Variants in SAFB2 observed in about 807,000 individuals in gnomAD.
SAFB2 encodes scaffold attachment factor B2.
In SAFB2, 32 loss-of-function variants were observed where a neutral mutation model predicts 100.6. The observed-to-expected ratio is 0.32, with a 90% CI of 0.24 to 0.43. The LOEUF (loss-of-function observed/expected upper bound fraction) is 0.43, where lower values mean the gene tolerates loss of function less well. Among genes scored for constraint, SAFB2 ranks in the 20% least tolerant of loss-of-function variants. SAFB2 has a pLI of 1.00. For missense variants in SAFB2, 1,185 were observed against 1,163.4 expected (o/e 1.02, Z -0.27); for synonymous variants, 500 against 439.4 (o/e 1.14, Z -1.72).
At chr19:5,612,754 T>C (rs909568278) in intron 5 of SAFB2, among the ~76,000 whole-genome samples, 187 bp from the exon 6 acceptor site, 1 of 152,204 alleles carries the variant, frequency 6.6e-6, no homozygotes, top group Non-Finnish European at 1.5e-5. Context: ...ACAGTTTCCC[T>C]GGTAACAGCA....
In SAFB2 at chr19:5,600,154, T is replaced by C. The variant is rs1026746981; in HGVS notation, c.1666A>G (p.Asn556Asp). The change falls in exon 12 of 21, where the codon AAT (asparagine) becomes GAT (aspartate). Residue 556 changes from asparagine to aspartate, a missense_variant. Around this residue, in one of 3 missense-constraint regions of SAFB2, gnomAD observed 740 missense variants for 687.1 expected, o/e 1.08. Transcript: ENST00000252542. ...DQDELKPGPT[N>D]RSRVTKSGSR... ...CCTGATTTGGTGACTCTAGACCGAT[T>C]TGTAGGTCCGGGTTTCAGCTCATCC... 6.2e-7 allele frequency: 1 copy of C among 1,614,088 alleles called. No homozygotes were observed. The highest frequency in any genetic ancestry group is 8.5e-7 in the Non-Finnish European group (1 of 1,180,006).
At chr19:5,605,369 T>C (rs1490484340) in intron 9 of SAFB2, among the ~76,000 whole-genome samples, 1 of 152,166 alleles carries the variant, frequency 6.6e-6, no homozygotes, top group Non-Finnish European at 1.5e-5. Context: ...CCTCCCAAAG[T>C]GCTGGGATTA....
At chr19:5,588,652 G>A (rs1047142293) in intron 18 of SAFB2, among the ~76,000 whole-genome samples, 2 of 152,100 alleles carry the variant, frequency 1.3e-5, no homozygotes, top group African/African-American at 4.8e-5. Flanking sequence ...CACCGCGCAG[G>A]CCAAGAAATG....
In SAFB2 at chr19:5,616,195, A is replaced by G; in HGVS notation, c.480T>C (p.Cys160=). 6.2e-7 allele frequency: 1 copy of G among 1,614,220 alleles called. No homozygotes were observed. The highest frequency in any genetic ancestry group is 8.5e-7 in the Non-Finnish European group (1 of 1,180,050). The part of the protein sequence containing the change: ...DGTDGLLDSF[C]DSKEYVAAQL... ...GTGCAGCCACGTATTCTTTACTATC[A>G]CAAAAGGAATCGAGAAGGCCGTCCG... Residue 160 remains cysteine (C), a synonymous_variant, in exon 4 of 21, where the codon TGT becomes TGC. Coordinates refer to ENST00000252542, the MANE Select transcript of SAFB2 (RefSeq NM_014649.3).
At chr19:5,593,656 T>C (rs921427689) in intron 15 of SAFB2, 6 of 446,522 alleles carry the variant, frequency 1.3e-5, no homozygotes, top group Admixed American at 8.4e-5. Context: ...AGCCATCAAG[T>C]TTCCCAGAAT....
At chr19:5,615,699 C>T (rs1185984641) in intron 4 of SAFB2, among the ~76,000 whole-genome samples, 1 of 152,176 alleles carries the variant, frequency 6.6e-6, no homozygotes, top group African/African-American at 2.4e-5. Flanking sequence ...AAGACCCTGT[C>T]TCTAAATAAA....
intron 7 of SAFB2, 200 bp downstream of exon 7, chr19:5,610,920 A>C (rs2052895849): frequency 8.3e-6 from 6 of 720,242 alleles, no homozygotes; most frequent in Non-Finnish European, 1.4e-5. Context: ...TTAAGAACAC[A>C]ACCATGGTAG....
intron 4 of SAFB2, among the ~76,000 whole-genome samples, chr19:5,615,665 G>A (rs1057235652): frequency 6.6e-6 from 1 of 152,178 alleles, no homozygotes; most frequent in African/African-American, 2.4e-5. Flanking sequence ...TGACCCCACT[G>A]CACTCCAGCC....
intron 11 of SAFB2, among the ~76,000 whole-genome samples, chr19:5,603,256 C>T (rs959126622): frequency 6.6e-6 from 1 of 152,052 alleles, no homozygotes; most frequent in Non-Finnish European, 1.5e-5. Flanking sequence ...TGACCCGTCT[C>T]AAAAAGTAAA....
intron 9 of SAFB2, among the ~76,000 whole-genome samples, chr19:5,607,680 G>C (rs2052806255): frequency 6.6e-6 from 1 of 152,234 alleles, no homozygotes; most frequent in South Asian, 2.1e-4. Flanking sequence ...ACCACCACTG[G>C]CGCGCAGAGT....
intron 1 of SAFB2, among the ~76,000 whole-genome samples, 158 bp from the exon 2 acceptor site, chr19:5,621,554 G>A (rs183823057): frequency 2.6e-5 from 4 of 152,370 alleles, no homozygotes; most frequent in African/African-American, 9.6e-5. Context: ...AGGCGGAGGA[G>A]GAACCCCGCA....
chr19:5,622,655 C>A lies in SAFB2; in HGVS notation c.61G>T (p.Gly21Cys). 1 of 1,609,648 alleles carries A rather than the reference C, an allele frequency of 6.2e-7. No individual in the cohort carries two copies. Among genetic ancestry groups the A allele is most frequent in the Non-Finnish European group, 8.5e-7 (1 of 1,179,090 alleles). Reference sequence around the variant, plus strand: ...CGCCTCGTCCCAGTCTCCGCAACGCCCGGGCCGAGAGAAGCCGTGCCAGGG... The same window carrying A: ...CGCCTCGTCCCAGTCTCCGCAACGCACGGGCCGAGAGAAGCCGTGCCAGGG... ...SGPGTASLGP[G>C]VAETGTRRLS... is the part of the protein sequence containing the mutation. Residue 21 changes from glycine (G) to cysteine (C), a missense_variant, in exon 1 of 21, where the codon GGC (glycine) becomes TGC (cysteine). Coordinates refer to ENST00000252542, the MANE Select transcript of SAFB2 (RefSeq NM_014649.3).
At chr19:5,592,909 G>T (rs1463610500) in intron 15 of SAFB2, 22 bp from the exon 16 acceptor site, 1 of 1,611,832 alleles carries the variant, frequency 6.2e-7, no homozygotes, top group Non-Finnish European at 8.5e-7. Flanking sequence ...TATTTTAAAA[G>T]AATACAAATT....
At position 5,599,980 on chromosome 19, in the gene SAFB2, A is replaced by G. The variant is rs189631532; in HGVS notation, c.1690+150T>C. The G allele has an allele frequency of 2.1e-5, 17 of 801,240 alleles. No individual in the cohort carries two copies. The East Asian group carries it at 3.8e-4, about 18-fold the overall frequency. The allele number at this position is 801,240 out of a possible 1,614,324, so 49.6% of individuals were successfully genotyped here. A position where few individuals can be genotyped will look rare whatever the true frequency, so the allele number is the denominator to read the frequency against. On this transcript the variant is annotated intron_variant, in intron 12 of 20. Transcript: ENST00000252542. ...TATGGACACTCCTTTAAGCCATTTC[A>G]TCAACAGACTCTTGTTTCTTTAACA...
chr19:5,607,216 G>A (rs955229014), intron 9 of SAFB2, among the ~76,000 whole-genome samples: 2 of 152,136 alleles, frequency 1.3e-5, no homozygotes, highest in Middle Eastern at 3.2e-3. Flanking sequence ...AGCCGAGATC[G>A]CGCCACTGCA....
chr19:5,587,289 G>A lies in SAFB2; in HGVS notation c.2816C>T (p.Pro939Leu). 6.2e-7 allele frequency: 1 copy of A among 1,612,966 alleles called. No individual in the cohort carries two copies. The highest frequency in any genetic ancestry group is 8.5e-7 in the Non-Finnish European group (1 of 1,179,620). ...SQDRGSRVPH[P>L]HPHPPPYPHF... ...GGGGTACGGGGGGGGATGAGGGTGT[G>A]GGTGAGGGACTCTGCTGCCCCGGTC... Residue 939 changes from proline to leucine, a missense_variant, in exon 21 of 21, where the codon CCA becomes CTA. Pro to Leu is a moderately conservative substitution (Grantham distance 98, BLOSUM62 -3). This residue lies in a region of SAFB2 where 740 missense variants were observed against 687.1 expected (regional missense o/e 1.08). Transcript: ENST00000252542. This position sits in a 1 kb window ranked among gnomAD's most constrained non-coding sequence, Gnocchi z 4.9.
chr19:5,593,401 G>A (rs921458956), intron 15 of SAFB2, among the ~76,000 whole-genome samples: 2 of 152,124 alleles, frequency 1.3e-5, no homozygotes, highest in Non-Finnish European at 2.9e-5. Flanking sequence ...CGGGGTGAAG[G>A]GTGACTGTCA....
chr19:5,616,233 C>T lies in SAFB2; in HGVS notation c.442G>A (p.Gly148Arg), dbSNP rs1291883333. The T allele has an allele frequency of 6.2e-7, 1 of 1,614,216 alleles. No homozygotes were observed. Among genetic ancestry groups the T allele is most frequent in the East Asian group, 2.2e-5 (1 of 44,888 alleles). The change falls in exon 4 of 21, where the codon GGG becomes AGG. Residue 148 changes from glycine to arginine, a missense_variant. Around this residue, in one of 3 missense-constraint regions of SAFB2, gnomAD observed 351 missense variants for 341.2 expected, o/e 1.03. Coordinates refer to ENST00000252542, the MANE Select transcript of SAFB2 (RefSeq NM_014649.3). Reference sequence around the variant, plus strand: ...AGAAGGCCGTCCGTGCCATCCTCCCCAAAATCTGGAGCACTGCTATTCGCC... The same window carrying T: ...AGAAGGCCGTCCGTGCCATCCTCCCTAAAATCTGGAGCACTGCTATTCGCC... ...EVANSSAPDF[G>R]EDGTDGLLDS...
At chr19:5,590,956 A>G (rs2052385050) in intron 17 of SAFB2, among the ~76,000 whole-genome samples, 1 of 152,068 alleles carries the variant, frequency 6.6e-6, no homozygotes, top group South Asian at 2.1e-4. Context: ...GCCACCACGC[A>G]CGGGGCACCC....
Sources: allele counts gnomAD v4.1 joint callset (sites outside exome capture counted in the v4.1 genomes callset), GRCh38; gene constraint gnomAD v4.1.1; regional missense constraint gnomAD v4.1.1; non-coding constraint Gnocchi (gnomAD v3.1); transcripts MANE v1.5; gene names NCBI Gene and HGNC (gene_info 2026-07-23, HGNC 2026-07-21).